DMD: variants seen among roughly 807,000 people sequenced by gnomAD.
The protein encoded by DMD is mutant dystrophin.
Under a neutral mutation model 330.1 loss-of-function variants are expected in DMD, and 63 were observed. The ratio of observed to expected loss-of-function variants is 0.19; its 90% CI spans 0.16 to 0.24. The LOEUF is 0.24. DMD is among the 10% of genes least tolerant of loss of function. DMD has a pLI of 1.00. For synonymous variants in DMD, 1,223 were observed against 959.8 expected (o/e 1.27, Z -5.07); for missense variants, 3,344 against 2,684.1 (o/e 1.25, Z -5.43).
intron 52 of DMD, among the ~76,000 whole-genome samples, chrX:31,690,958 G>A (rs1053885250): frequency 1.3e-4 from 14 of 110,087 alleles, no homozygotes; most frequent in Non-Finnish European, 1.3e-4. Flanking sequence ...TCACACACCG[G>A]GGCCTGTCGT....
intron 52 of DMD, among the ~76,000 whole-genome samples, chrX:31,716,397 C>CA (rs1207534388): frequency 4.5e-5 from 5 of 111,076 alleles, no homozygotes; most frequent in African/African-American, 6.5e-5. Context: ...ACTAAAAATA[C>CA]AAAATTAGCC....
At chrX:33,079,661 A>G (rs1295125677) in intron 1 of DMD, among the ~76,000 whole-genome samples, 3 of 111,769 alleles carry the variant, frequency 2.7e-5, no homozygotes, top group Non-Finnish European at 5.6e-5. Context: ...TATCTAAAAG[A>G]TTAGGCCAGA....
chrX:32,133,462 G>A (rs1457825864), intron 44 of DMD, among the ~76,000 whole-genome samples: 3 of 111,408 alleles, frequency 2.7e-5, no homozygotes, highest in East Asian at 2.8e-4. Flanking sequence ...AAACACCTCC[G>A]AAATTTAAAC....
intron 1 of DMD, among the ~76,000 whole-genome samples, chrX:33,081,756 A>G (rs1375209809): frequency 8.9e-6 from 1 of 111,878 alleles, no homozygotes; most frequent in African/African-American, 3.2e-5. Context: ...AGAGTCAAGT[A>G]TCCCTGTATA....
At chrX:32,147,296 C>G (rs10521987) in intron 44 of DMD, among the ~76,000 whole-genome samples, 14,397 of 111,195 alleles carry the variant, frequency 0.13, 761 homozygotes, top group Admixed American at 0.18. Context: ...TGTGAGATAG[C>G]TAATAAATCA....
At position 31,228,154 on chromosome X, in the gene DMD, C is replaced by T. The variant is rs752957216; in HGVS notation, c.9287-5033G>A. 8.7e-4 allele frequency among the ~76,000 whole-genome samples: 92 copies of T among 105,967 alleles called. 1 individual carries two copies. The highest frequency in any genetic ancestry group is 1.5e-3 in the Non-Finnish European group (77 of 51,559). The allele number at this position is 105,967 out of a possible 115,157, so 92.0% of individuals were successfully genotyped here. A position where few individuals can be genotyped will look rare whatever the true frequency, so the allele number is the denominator to read the frequency against. On this transcript the variant is annotated intron_variant, in intron 63 of 78. Coordinates refer to ENST00000357033, the MANE Select transcript of DMD (RefSeq NM_004006.3). ...ATAGCACTGGGTGATATACCTAATG[C>T]TAGATGACGAGTTAGTGGGTGCAGC...
At chrX:33,010,062 A>ATATAAACACATGTGCACATATGTGTG (rs1318950415) in intron 2 of DMD, among the ~76,000 whole-genome samples, 2 of 34,472 alleles carry the variant, frequency 5.8e-5, no homozygotes, top group African/African-American at 1.8e-4. Context: ...ATATACGTGT[A>ATATAAACACATGTGCACATATGTGTG]TATATACACA....
rs201521637 is a variant in DMD at position 33,010,067 on chromosome X, T to A, written c.93+10072A>T. ...ACATGTGTATATATACGTGTATATA[T>A]ACACAAATGTGCACATGTGTATATA... On this transcript the variant is annotated intron_variant, in intron 2 of 78. Coordinates refer to ENST00000357033, the MANE Select transcript of DMD (RefSeq NM_004006.3). Among the ~76,000 whole-genome samples the A allele has an allele frequency of 7.8e-5, 4 of 51,030 alleles. 1 individual carries two copies. The highest frequency in any genetic ancestry group is 4.9e-4 in the African/African-American group (4 of 8,160). The allele number at this position is 51,030 out of a possible 115,157, so 44.3% of individuals were successfully genotyped here. A position where few individuals can be genotyped will look rare whatever the true frequency, so the allele number is the denominator to read the frequency against.
chrX:32,172,665 A>T (rs2096891897), intron 44 of DMD, among the ~76,000 whole-genome samples: 1 of 111,757 alleles, frequency 8.9e-6, no homozygotes, highest in Non-Finnish European at 1.9e-5. Flanking sequence ...TATACTCTAT[A>T]GTGTTCTGAT....
chrX:32,964,710 A>G (rs2092067706), intron 2 of DMD, among the ~76,000 whole-genome samples: 1 of 111,805 alleles, frequency 8.9e-6, no homozygotes, highest in Admixed American at 9.5e-5. Flanking sequence ...TCTGTCTCAA[A>G]AACAAAAAAT....
chrX:33,214,805 C>A (rs1361760880), upstream of DMD, among the ~76,000 whole-genome samples: 1 of 111,121 alleles, frequency 9.0e-6, no homozygotes, highest in Non-Finnish European at 1.9e-5. Flanking sequence ...AGGTGAATGC[C>A]ACCATATTCA....
At chrX:32,049,960 A>C (rs935312449) in intron 44 of DMD, among the ~76,000 whole-genome samples, 3 of 111,766 alleles carry the variant, frequency 2.7e-5, no homozygotes, top group Admixed American at 9.5e-5. Context: ...TTGGCAATAC[A>C]CCACATTTCT....
chrX:32,678,499 CGTGTGTGT>C (rs760244852), intron 9 of DMD, among the ~76,000 whole-genome samples: 1 of 106,063 alleles, frequency 9.4e-6, no homozygotes, highest in Non-Finnish European at 2.0e-5. Flanking sequence ...TTTGCGTGTC[CGTGTGTGT>C]GTGTGTGTGT....
chrX:33,242,181 T>C (rs5972790), intron 1 of DMD, among the ~76,000 whole-genome samples: 20,860 of 111,104 alleles, frequency 0.19, 3,087 homozygotes, highest in African/African-American at 0.51. Flanking sequence ...TCTTTAGTGG[T>C]GATTTGTGAG....
Position 33,128,786 on chromosome X carries a change from G to A in DMD, c.31+82496C>T, listed in dbSNP as rs771072703. ...AGGAGAAGAAAATAACTCTAAAAAC[G>A]TCCAGTGCTGCTGAAAACACATTTG... On this transcript the variant is annotated intron_variant, in intron 1 of 78. Coordinates refer to ENST00000357033, the MANE Select transcript of DMD (RefSeq NM_004006.3). 6.2e-5 allele frequency among the ~76,000 whole-genome samples: 7 copies of A among 112,032 alleles called. No homozygotes were observed. The South Asian group carries it at 1.8e-3, about 30-fold the overall frequency.
chrX:31,256,520 T>C (rs1204344465), intron 63 of DMD, among the ~76,000 whole-genome samples: 2 of 110,338 alleles, frequency 1.8e-5, no homozygotes, highest in Non-Finnish European at 3.8e-5. Flanking sequence ...TTTAGATCTG[T>C]TGGAAATAAT....
intron 50 of DMD, among the ~76,000 whole-genome samples, chrX:31,787,009 G>A (rs777007993): frequency 9.8e-5 from 11 of 112,314 alleles, no homozygotes; most frequent in East Asian, 8.3e-4. Context: ...GTCTATTTAC[G>A]TAATAGTTTG....
intron 1 of DMD, among the ~76,000 whole-genome samples, chrX:33,152,664 C>T (rs986646454): frequency 4.5e-5 from 5 of 110,811 alleles, no homozygotes; most frequent in African/African-American, 6.6e-5. Context: ...TGTAGGCAAG[C>T]GGCTAAGTTC....
chrX:32,253,811 A>G (rs1444694808), intron 43 of DMD, among the ~76,000 whole-genome samples: 1 of 107,827 alleles, frequency 9.3e-6, no homozygotes, highest in Non-Finnish European at 1.9e-5. Context: ...TTTAGTAGAG[A>G]CAGGGTTTCA....
Sources: allele counts gnomAD v4.1 joint callset (sites outside exome capture counted in the v4.1 genomes callset), GRCh38; gene constraint gnomAD v4.1.1; transcripts MANE v1.5; gene names NCBI Gene and HGNC (gene_info 2026-07-23, HGNC 2026-07-21).